The following PRKCE variants were observed in gnomAD, a reference collection of about 807,000 sequenced individuals.
PRKCE encodes protein kinase C epsilon, also known as protein kinase C epsilon type.
PRKCE carries 16 observed loss-of-function variants against 85.4 expected under a neutral mutation model. That is an observed-to-expected ratio of 0.19 (90% CI 0.13 to 0.28). The LOEUF is 0.28. PRKCE is among the 10% of genes least tolerant of loss of function. The pLI is 1.00. For missense variants in PRKCE, 573 were observed against 975.2 expected (o/e 0.59, Z 5.49); for synonymous variants, 388 against 371.5 (o/e 1.04, Z -0.51).
At chr2:45,952,506 G>T (rs1024085618) in intron 2 of PRKCE, among the ~76,000 whole-genome samples, 14 of 152,068 alleles carry the variant, frequency 9.2e-5, no homozygotes, top group African/African-American at 3.4e-4. Context: ...AATACTTCAG[G>T]CTCCCTTGTT....
intron 2 of PRKCE, among the ~76,000 whole-genome samples, chr2:45,878,563 A>G (rs13388212): frequency 0.51 from 77,060 of 151,876 alleles, 22,382 homozygotes; most frequent in East Asian, 0.97. Flanking sequence ...CTGTTATTCA[A>G]TTTCCCTAGA....
intron 11 of PRKCE, among the ~76,000 whole-genome samples, chr2:46,130,385 TTA>T (rs1674305643): frequency 6.6e-6 from 1 of 151,992 alleles, no homozygotes; most frequent in African/African-American, 2.4e-5. Flanking sequence ...ATATACTTTG[TTA>T]TATATAAGTA....
intron 1 of PRKCE, among the ~76,000 whole-genome samples, chr2:45,737,974 A>G (rs944834956): frequency 9.9e-5 from 15 of 151,958 alleles, no homozygotes; most frequent in African/African-American, 3.6e-4. Context: ...CCTTTGTTTC[A>G]TTCCTTTTCC....
intron 1 of PRKCE, among the ~76,000 whole-genome samples, chr2:45,796,477 T>C (rs1343713238): frequency 6.6e-6 from 1 of 152,256 alleles, no homozygotes. Context: ...GCTGCTATTA[T>C]ATCTCTTATG....
intron 11 of PRKCE, among the ~76,000 whole-genome samples, chr2:46,144,866 C>T (rs1675916123): frequency 6.6e-6 from 1 of 152,178 alleles, no homozygotes; most frequent in Non-Finnish European, 1.5e-5. Context: ...TGATATATTC[C>T]TGGGGTTACA....
At chr2:45,747,174 T>A (rs1261100683) in intron 1 of PRKCE, among the ~76,000 whole-genome samples, 1 of 151,938 alleles carries the variant, frequency 6.6e-6, no homozygotes, top group Non-Finnish European at 1.5e-5. Context: ...CAACTGGGTA[T>A]TTTTTTTGCA....
chr2:46,035,129 A>G (rs1315762878), intron 10 of PRKCE, among the ~76,000 whole-genome samples: 1 of 152,134 alleles, frequency 6.6e-6, no homozygotes, highest in African/African-American at 2.4e-5. Flanking sequence ...AATCAGAATG[A>G]CCCTTGATGT....
At chr2:45,725,020 C>G (rs11684300) in intron 1 of PRKCE, among the ~76,000 whole-genome samples, 22,336 of 152,272 alleles carry the variant, frequency 0.15, 1,747 homozygotes, top group Non-Finnish European at 0.17. Context: ...TGCTATCTAA[C>G]ACTTTCATAG....
intron 11 of PRKCE, among the ~76,000 whole-genome samples, chr2:46,115,088 T>C (rs1320504999): frequency 6.6e-6 from 1 of 152,194 alleles, no homozygotes; most frequent in Non-Finnish European, 1.5e-5. Context: ...TTGTTCCATC[T>C]GATGTTCCTG....
intron 1 of PRKCE, among the ~76,000 whole-genome samples, chr2:45,787,004 C>A (rs1007720278): frequency 6.6e-6 from 1 of 152,222 alleles, no homozygotes; most frequent in Non-Finnish European, 1.5e-5. Flanking sequence ...CCATCGGTTT[C>A]CCCTGGATCC....
rs1418859934 is a variant in PRKCE at position 45,774,582 on chromosome 2, G to C, written c.349-68418G>C. Among the ~76,000 whole-genome samples, 1 of 152,142 alleles carries C rather than the reference G, an allele frequency of 6.6e-6. No homozygotes were observed. The highest frequency in any genetic ancestry group is 6.5e-5 in the Admixed American group (1 of 15,280). ...AATGCCAGGAATCGGGTGGCTTTTG[G>C]TGTGACTGTACAGAGCAGGCAGCCT... On this transcript the variant is annotated intron_variant, in intron 1 of 14. Transcript: ENST00000306156. This position sits in a 1 kb window ranked among gnomAD's most constrained non-coding sequence, Gnocchi z 4.3.
intron 4 of PRKCE, among the ~76,000 whole-genome samples, chr2:45,980,006 C>A (rs1283259951): frequency 1.3e-5 from 2 of 152,008 alleles, no homozygotes. Context: ...TTGACCTTGG[C>A]GTATTGAAGT....
rs775576963 is a variant in PRKCE, at chr2:46,004,680, A to G, written c.1063+42A>G. The G allele has an allele frequency of 9.4e-6, 14 of 1,492,640 alleles. No homozygotes were observed. The South Asian group carries it at 9.6e-5, about 10-fold the overall frequency. The allele number at this position is 1,492,640 out of a possible 1,614,324, so 92.5% of individuals were successfully genotyped here. On this transcript the variant is annotated intron_variant, in intron 8 of 14. Coordinates refer to ENST00000306156, the MANE Select transcript of PRKCE (RefSeq NM_005400.3). This position sits in a 1 kb window ranked among gnomAD's most constrained non-coding sequence, Gnocchi z 4.1. ...TGCTTCCTGACCTCTGAGTTCTGCC[A>G]TTGGATGGACCAAGGAGCTCTGAGG...
chr2:45,792,019 C>A (rs1448345159), intron 1 of PRKCE, among the ~76,000 whole-genome samples: 1 of 152,232 alleles, frequency 6.6e-6, no homozygotes, highest in Non-Finnish European at 1.5e-5. Context: ...GTTACTCTAA[C>A]AGAATAGCTA....
At chr2:45,936,995 A>C (rs1699508713) in intron 2 of PRKCE, among the ~76,000 whole-genome samples, 1 of 152,192 alleles carries the variant, frequency 6.6e-6, no homozygotes, top group African/African-American at 2.4e-5. Context: ...GTACAGACAC[A>C]AGCCTTCCAG....
At chr2:45,710,232 G>A (rs1034563887) in intron 1 of PRKCE, among the ~76,000 whole-genome samples, 1 of 152,152 alleles carries the variant, frequency 6.6e-6, no homozygotes, top group Non-Finnish European at 1.5e-5. Context: ...CTCATATGAC[G>A]GGTAAGAACA....
intron 10 of PRKCE, among the ~76,000 whole-genome samples, chr2:46,080,714 T>C (rs1163386787): frequency 6.6e-6 from 1 of 152,182 alleles, no homozygotes; most frequent in East Asian, 1.9e-4. Flanking sequence ...AGTTTGGAGC[T>C]AGTATTGCTT....
intron 1 of PRKCE, among the ~76,000 whole-genome samples, chr2:45,819,153 A>T (rs887124037): frequency 6.6e-6 from 1 of 152,200 alleles, no homozygotes; most frequent in Non-Finnish European, 1.5e-5. Flanking sequence ...TCTGTCAGGC[A>T]TAGTTTCTAT....
chr2:46,045,013 A>G (rs1708433760), intron 10 of PRKCE, among the ~76,000 whole-genome samples: 1 of 152,222 alleles, frequency 6.6e-6, no homozygotes, highest in Non-Finnish European at 1.5e-5. Context: ...AAAACCATAT[A>G]TGCTATATTC....
Sources: allele counts gnomAD v4.1 joint callset (sites outside exome capture counted in the v4.1 genomes callset), GRCh38; gene constraint gnomAD v4.1.1; non-coding constraint Gnocchi (gnomAD v3.1); transcripts MANE v1.5; gene names NCBI Gene and HGNC (gene_info 2026-07-23, HGNC 2026-07-21).